CACNA2D3: variants seen among roughly 807,000 people sequenced by gnomAD.
The protein encoded by CACNA2D3 is voltage-dependent calcium channel subunit alpha-2/delta-3.
In CACNA2D3, 60 loss-of-function variants were observed where a neutral mutation model predicts 160.6. The observed-to-expected ratio is 0.37, with a 90% CI of 0.30 to 0.46. CACNA2D3 has a LOEUF of 0.46. Ranked by LOEUF, CACNA2D3 falls within the 20% of genes least tolerant of loss-of-function variation. The pLI, the probability that CACNA2D3 is intolerant of heterozygous loss-of-function variation, is 1.00. For missense variants in CACNA2D3, 1,205 were observed against 1,365.0 expected (o/e 0.88, Z 1.85); for synonymous variants, 558 against 492.9 (o/e 1.13, Z -1.75).
intron 10 of CACNA2D3, among the ~76,000 whole-genome samples, chr3:54,631,203 AACACAC>A (rs67944483): frequency 6.0e-4 from 87 of 145,876 alleles, no homozygotes; most frequent in African/African-American, 1.5e-3. Context: ...GACTCCATCA[AACACAC>A]ACACACACAC....
chr3:54,909,974 C>T (rs1700522919), intron 27 of CACNA2D3, among the ~76,000 whole-genome samples: 1 of 152,266 alleles, frequency 6.6e-6, no homozygotes, highest in East Asian at 1.9e-4. Flanking sequence ...GAGGAAAATG[C>T]TTTGATCAGT....
intron 11 of CACNA2D3, among the ~76,000 whole-genome samples, chr3:54,731,927 C>T (rs1204234062): frequency 6.6e-6 from 1 of 152,004 alleles, no homozygotes; most frequent in African/African-American, 2.4e-5. Flanking sequence ...GTATTGGGTT[C>T]CTTCAGTGTC....
intron 9 of CACNA2D3, among the ~76,000 whole-genome samples, chr3:54,609,659 A>G (rs1698708285): frequency 6.6e-6 from 1 of 152,218 alleles, no homozygotes; most frequent in Admixed American, 6.5e-5. Context: ...AAAGCTTAAA[A>G]TGACAAATGA....
intron 14 of CACNA2D3, among the ~76,000 whole-genome samples, chr3:54,820,608 A>C (rs949068464): frequency 1.3e-5 from 2 of 152,172 alleles, no homozygotes; most frequent in African/African-American, 2.4e-5. Context: ...TGGCTAAAAA[A>C]TATGTAGCAA....
intron 10 of CACNA2D3, among the ~76,000 whole-genome samples, chr3:54,630,594 A>G (rs1699213917): frequency 6.6e-6 from 1 of 152,220 alleles, no homozygotes; most frequent in Non-Finnish European, 1.5e-5. Context: ...CTAACCCAGG[A>G]ACACTTTATA....
intron 4 of CACNA2D3, among the ~76,000 whole-genome samples, chr3:54,404,762 T>G (rs1430493451): frequency 6.6e-6 from 1 of 152,092 alleles, no homozygotes; most frequent in Non-Finnish European, 1.5e-5. Context: ...CTGTTAGATC[T>G]CAATAAAGTT....
chr3:54,991,054 C>T (rs911867855), intron 31 of CACNA2D3, among the ~76,000 whole-genome samples: 9 of 152,188 alleles, frequency 5.9e-5, no homozygotes, highest in African/African-American at 1.9e-4. Context: ...ATCATGGCTG[C>T]GTTCGCTGAG....
chr3:54,605,777 T>C (rs945351701), intron 9 of CACNA2D3, among the ~76,000 whole-genome samples: 27 of 152,298 alleles, frequency 1.8e-4, no homozygotes, highest in African/African-American at 5.5e-4. Context: ...CTAGTGCACG[T>C]CAGAATTAGA....
chr3:54,420,025 CA>C (rs900581427), intron 4 of CACNA2D3, among the ~76,000 whole-genome samples: 6 of 152,116 alleles, frequency 3.9e-5, no homozygotes, highest in Non-Finnish European at 7.3e-5. Flanking sequence ...CAAGGCTTCC[CA>C]AAGTGCTGGG....
chr3:54,597,551 T>A (rs774914681), intron 9 of CACNA2D3, among the ~76,000 whole-genome samples: 18 of 152,198 alleles, frequency 1.2e-4, no homozygotes, highest in Non-Finnish European at 2.1e-4. Flanking sequence ...AGTGAATGGA[T>A]AAGGAAATAC....
chr3:54,169,226 T>C (rs1700511612), intron 2 of CACNA2D3, among the ~76,000 whole-genome samples: 1 of 152,170 alleles, frequency 6.6e-6, no homozygotes, highest in South Asian at 2.1e-4. Flanking sequence ...CTGAAATAGA[T>C]CAGTGTCTGG....
Position 54,399,899 on chromosome 3 carries a change from C to T in CACNA2D3, c.381+13125C>T, listed in dbSNP as rs930967069. 2.8e-3 allele frequency among the ~76,000 whole-genome samples: 344 copies of T among 123,934 alleles called. 64 individuals carry two copies. Among genetic ancestry groups the T allele is most frequent in the African/African-American group, 0.011 (335 of 31,772 alleles). The allele number at this position is 123,934 out of a possible 152,430, so 81.3% of individuals were successfully genotyped here. A position where few individuals can be genotyped will look rare whatever the true frequency, so the allele number is the denominator to read the frequency against. On this transcript the variant is annotated intron_variant, in intron 4 of 37. Coordinates refer to ENST00000474759, the MANE Select transcript of CACNA2D3 (RefSeq NM_018398.3). ...CAATGGCGGGCGCCCCTCCCCCAGC[C>T]TCGTTGCCGCCTTGCAGTTTGATCT...
intron 2 of CACNA2D3, among the ~76,000 whole-genome samples, chr3:54,241,264 A>T (rs1349170465): frequency 6.6e-6 from 1 of 152,168 alleles, no homozygotes; most frequent in African/African-American, 2.4e-5. Context: ...TTTAATGATC[A>T]TGACTGGGGG....
chr3:54,392,728 C>G (rs184395719), intron 4 of CACNA2D3, among the ~76,000 whole-genome samples: 1 of 152,074 alleles, frequency 6.6e-6, no homozygotes, highest in South Asian at 2.1e-4. Context: ...AGATGACTTC[C>G]GATACTTCCT....
At chr3:54,907,432 C>G (rs1027478373) in intron 27 of CACNA2D3, among the ~76,000 whole-genome samples, 10 of 152,012 alleles carry the variant, frequency 6.6e-5, no homozygotes, top group African/African-American at 2.4e-4. Context: ...TTCAGTCTTG[C>G]GTTTGGGGGA....
chr3:54,651,123 C>A (rs1699756109), intron 11 of CACNA2D3, among the ~76,000 whole-genome samples: 2 of 152,106 alleles, frequency 1.3e-5, no homozygotes, highest in Admixed American at 1.3e-4. Context: ...GGTAAAATGA[C>A]CATAGGTCAG....
intron 4 of CACNA2D3, among the ~76,000 whole-genome samples, chr3:54,402,418 C>T (rs1699485078): frequency 6.6e-6 from 1 of 151,856 alleles, no homozygotes; most frequent in African/African-American, 2.4e-5. Flanking sequence ...CACACATAGG[C>T]TGAAAGTAAA....
chr3:54,827,396 G>GAA (rs1474394731), intron 14 of CACNA2D3, among the ~76,000 whole-genome samples: 2 of 152,242 alleles, frequency 1.3e-5, no homozygotes, highest in Non-Finnish European at 2.9e-5. Flanking sequence ...AGGAAGGATG[G>GAA]AAAGATAGAT....
intron 36 of CACNA2D3, 99 bp from the exon 37 acceptor site, chr3:55,073,678 G>T: frequency 8.0e-7 from 1 of 1,246,172 alleles, no homozygotes; most frequent in South Asian, 1.3e-5. Context: ...CTGTTGGAGA[G>T]AGAGAGTAGT....
Sources: gnomAD v4.1 joint callset for allele counts (sites outside exome capture counted in the v4.1 genomes callset) on GRCh38, gnomAD v4.1.1 for gene constraint, MANE v1.5 for transcripts, NCBI Gene and HGNC (gene_info 2026-07-23, HGNC 2026-07-21) for gene names.